The following BMP1 variants were observed in gnomAD, a reference collection of about 807,000 sequenced individuals.
BMP1 encodes bone morphogenetic protein 1, also known as mammalian tolloid protein.
BMP1 carries 63 observed loss-of-function variants against 116.8 expected under a neutral mutation model. The ratio of observed to expected loss-of-function variants is 0.54; its 90% CI spans 0.44 to 0.67. The LOEUF (loss-of-function observed/expected upper bound fraction) is 0.67, where lower values mean the gene tolerates loss of function less well. BMP1 is among the 30% of genes least tolerant of loss of function. The probability of loss-of-function intolerance (pLI) is 0.00; values close to 1 mark genes in which losing one functional copy is unlikely to be tolerated. For synonymous variants in BMP1, 536 were observed against 533.4 expected (o/e 1.00, Z -0.07); for missense variants, 1,183 against 1,358.9 (o/e 0.87, Z 2.04).
intron 5 of BMP1, chr8:22,177,547 G>C (rs765581745): frequency 1.4e-6 from 1 of 728,864 alleles, no homozygotes; most frequent in Non-Finnish European, 2.5e-6. Context: ...CTCCCTTCCC[G>C]CCTCCTCCCT....
intron 15 of BMP1, chr8:22,201,001 C>CCCCCCCCCCAA: frequency 2.7e-6 from 1 of 371,506 alleles, no homozygotes. Flanking sequence ...CCGCCCCACC[C>CCCCCCCCCCAA]TGCCCCTCAG....
At chr8:22,192,202 G>A in intron 9 of BMP1, 51 bp downstream of exon 9, 2 of 1,500,238 alleles carry the variant, frequency 1.3e-6, no homozygotes, top group Non-Finnish European at 1.8e-6. Context: ...CCCTCTCTGA[G>A]CCACCCTCAT....
intron 15 of BMP1, chr8:22,199,148 C>T (rs540937088): frequency 3.5e-5 from 48 of 1,367,654 alleles, no homozygotes; most frequent in African/African-American, 1.3e-4. Flanking sequence ...CACGCCCACA[C>T]GCACACACAT....
At chr8:22,180,584 A>T in intron 8 of BMP1, 101 bp downstream of exon 8, 2 of 1,050,816 alleles carry the variant, frequency 1.9e-6, no homozygotes, top group African/African-American at 1.6e-5. Flanking sequence ...CCAGCGACCT[A>T]CCTGGCTACC....
intron 1 of BMP1, among the ~76,000 whole-genome samples, chr8:22,168,112 T>C (rs1828169232): frequency 6.6e-6 from 1 of 152,052 alleles, no homozygotes; most frequent in Admixed American, 6.6e-5. Flanking sequence ...ACTGGCCGAG[T>C]TATGGTTGCC....
intron 2 of BMP1, among the ~76,000 whole-genome samples, chr8:22,175,905 G>T (rs1305411328): frequency 6.6e-6 from 1 of 152,180 alleles, no homozygotes; most frequent in Non-Finnish European, 1.5e-5. Flanking sequence ...GCGGAGCGTT[G>T]CCTTATTCCA....
At chr8:22,174,348 C>T (rs141729221) in intron 2 of BMP1, among the ~76,000 whole-genome samples, 2 of 152,322 alleles carry the variant, frequency 1.3e-5, no homozygotes, top group Non-Finnish European at 2.9e-5. Flanking sequence ...GGATTTGCTC[C>T]TATGTCTCCC....
intron 8 of BMP1, among the ~76,000 whole-genome samples, chr8:22,190,256 T>G (rs538262348): frequency 1.8e-4 from 27 of 152,272 alleles, no homozygotes; most frequent in Admixed American, 7.2e-4. Flanking sequence ...ATGATCTTAC[T>G]CAATTATATC....
intron 5 of BMP1, 63 bp downstream of exon 5, chr8:22,177,202 G>A: frequency 6.8e-7 from 1 of 1,477,638 alleles, no homozygotes. Context: ...CCACCTCCAG[G>A]ACCCCTGGGG....
At chr8:22,176,010 T>G in intron 2 of BMP1, 133 bp from the exon 3 acceptor site, 3 of 932,092 alleles carry the variant, frequency 3.2e-6, no homozygotes. Flanking sequence ...GTATTGATTT[T>G]GGGGACTACG....
intron 15 of BMP1, among the ~76,000 whole-genome samples, chr8:22,200,077 G>A (rs1049053718): frequency 6.6e-6 from 1 of 152,180 alleles, no homozygotes; most frequent in African/African-American, 2.4e-5. Context: ...TGGAATTCTG[G>A]GGGTCCACTG....
At position 22,165,882 on chromosome 8, in the gene BMP1, C is replaced by CGTGTGTGTGTGTGTGTGTGTGTGT. The variant is rs149003237; in HGVS notation, c.148+350_148+373dup. Reference sequence around the variant, plus strand: ...TTTTCTGGCCAAACTCCTGTGCGTGCGTGTGTGTGTGTGTGTGTGTGTGTG... The same window carrying CGTGTGTGTGTGTGTGTGTGTGTGT: ...TTTTCTGGCCAAACTCCTGTGCGTGCGTGTGTGTGTGTGTGTGTGTGTGTGTGTGTGTGTGTGTGTGTGTGTGTG... On this transcript the variant is annotated intron_variant, in intron 1 of 19. Transcript: ENST00000306385. 2.1e-3 allele frequency among the ~76,000 whole-genome samples: 275 copies of CGTGTGTGTGTGTGTGTGTGTGTGT among 131,408 alleles called. 4 individuals are homozygous for CGTGTGTGTGTGTGTGTGTGTGTGT. The highest frequency in any genetic ancestry group is 7.9e-3 in the Middle Eastern group (2 of 252). The allele number at this position is 131,408 out of a possible 152,430, so 86.2% of individuals were successfully genotyped here. A position where few individuals can be genotyped will look rare whatever the true frequency, so the allele number is the denominator to read the frequency against.
chr8:22,180,076 C>T (rs565266638), intron 7 of BMP1, among the ~76,000 whole-genome samples: 1 of 152,230 alleles, frequency 6.6e-6, no homozygotes, highest in Admixed American at 6.5e-5. Flanking sequence ...GGGAGAACAG[C>T]AATCCTAGGA....
chr8:22,177,237 C>T, intron 5 of BMP1, 98 bp downstream of exon 5: 2 of 1,301,490 alleles, frequency 1.5e-6, no homozygotes, highest in Non-Finnish European at 2.1e-6. Flanking sequence ...TCCAGCCAGC[C>T]GTCATCGCCT....
chr8:22,168,573 A>G (rs1246224072), intron 1 of BMP1, among the ~76,000 whole-genome samples: 2 of 152,112 alleles, frequency 1.3e-5, no homozygotes, highest in Non-Finnish European at 2.9e-5. Context: ...AGTCTGCAGG[A>G]GCGGGAGGGG....
chr8:22,211,903 A>G lies in BMP1; in HGVS notation c.*175A>G. 2 of 940,754 alleles carry G rather than the reference A, an allele frequency of 2.1e-6. No individual in the cohort carries two copies. The highest frequency in any genetic ancestry group is 5.3e-5 in the East Asian group (2 of 37,536). 58.3% of individuals were successfully genotyped at this position (940,754 alleles called of 1,614,324 possible). A position where few individuals can be genotyped will look rare whatever the true frequency, so the allele number is the denominator to read the frequency against. ...GGTGGGGGAACTGGACTCCGGCATA[A>G]GCCACTTCCCCACAAACCCCCACCA... On this transcript the variant is annotated 3_prime_UTR_variant, in exon 20 of 20. Coordinates refer to ENST00000306385, the MANE Select transcript of BMP1 (RefSeq NM_006129.5).
At chr8:22,206,727 A>C in intron 16 of BMP1, 127 bp from the exon 17 acceptor site, 11 of 1,376,186 alleles carry the variant, frequency 8.0e-6, no homozygotes, top group Non-Finnish European at 1.1e-5. Flanking sequence ...CCTGCCTGCC[A>C]TCCAGTTCAT....
intron 15 of BMP1, chr8:22,199,370 G>A (rs751117101): frequency 8.4e-6 from 11 of 1,304,068 alleles, no homozygotes; most frequent in Non-Finnish European, 1.0e-5. Flanking sequence ...ACCTTCCGGG[G>A]CATTTGGGCA....
At chr8:22,171,926 G>T (rs1038960129) in intron 1 of BMP1, among the ~76,000 whole-genome samples, 2 of 152,212 alleles carry the variant, frequency 1.3e-5, no homozygotes, top group African/African-American at 4.8e-5. Context: ...AAAGTGCAGT[G>T]CTGGCTGCTG....
Sources: allele counts gnomAD v4.1 joint callset (sites outside exome capture counted in the v4.1 genomes callset), GRCh38; gene constraint gnomAD v4.1.1; transcripts MANE v1.5; gene names NCBI Gene and HGNC (gene_info 2026-07-23, HGNC 2026-07-21).